The following MAF variants were observed in gnomAD, a reference collection of about 807,000 sequenced individuals.
MAF encodes transcription factor Maf.
In MAF, 10 loss-of-function variants were observed where a neutral mutation model predicts 22.0. The ratio of observed to expected loss-of-function variants is 0.45; its 90% CI spans 0.28 to 0.77. The LOEUF (loss-of-function observed/expected upper bound fraction) is 0.77. Among genes scored for constraint, MAF ranks in the 30% least tolerant of loss-of-function variants. The probability of loss-of-function intolerance (pLI) is 0.12; values close to 1 mark genes in which losing one functional copy is unlikely to be tolerated. For synonymous variants in MAF, 337 were observed against 255.8 expected, an observed-to-expected ratio of 1.32 and a Z score of -3.03; for missense variants, 544 against 548.4, an observed-to-expected ratio of 0.99 and a Z score of 0.08.
chr16:79,511,324 A>T, the MAF span, among the ~76,000 whole-genome samples: 1 of 152,302 alleles, frequency 6.6e-6, no homozygotes, highest in South Asian at 2.1e-4. Context: ...ATTTTTTAAA[A>T]TACTAGTATT....
At chr16:79,401,065 G>T in the MAF span, among the ~76,000 whole-genome samples, 1 of 152,188 alleles carries the variant, frequency 6.6e-6, no homozygotes, top group Admixed American at 6.5e-5. Context: ...AAGTGGTGAG[G>T]TCGGCTCCCT....
At chr16:79,530,886 T>G in the MAF span, among the ~76,000 whole-genome samples, 1 of 152,208 alleles carries the variant, frequency 6.6e-6, no homozygotes, top group African/African-American at 2.4e-5. Context: ...CACTTCTCTG[T>G]AGCCAGAAAG....
At chr16:79,598,414 C>A in intron 1 of MAF, 1 of 850,320 alleles carries the variant, frequency 1.2e-6, no homozygotes, top group Non-Finnish European at 1.5e-6. Flanking sequence ...CTGCTGAGAT[C>A]ATTGAACATT....
At chr16:79,214,415 C>T in the MAF span, among the ~76,000 whole-genome samples, 3 of 152,154 alleles carry the variant, frequency 2.0e-5, no homozygotes, top group Non-Finnish European at 4.4e-5. Flanking sequence ...GAGCCACACA[C>T]TGTGCTAAGC....
At chr16:79,212,259 G>A in the MAF span, 1 of 1,300,390 alleles carries the variant, frequency 7.7e-7, no homozygotes, top group Non-Finnish European at 1.0e-6. Flanking sequence ...GGAGATAATT[G>A]TTTCATTCAT....
the MAF span, among the ~76,000 whole-genome samples, chr16:79,563,833 G>C: frequency 6.6e-6 from 1 of 151,808 alleles, no homozygotes; most frequent in African/African-American, 2.4e-5. Flanking sequence ...CACTCACCTA[G>C]CAATTCTGGT....
chr16:79,478,677 C>T, the MAF span, among the ~76,000 whole-genome samples: 59 of 152,252 alleles, frequency 3.9e-4, no homozygotes, highest in African/African-American at 1.2e-3. Context: ...ATGCCAAATG[C>T]CTGCATCTTT....
the MAF span, among the ~76,000 whole-genome samples, chr16:79,512,814 G>C: frequency 3.2e-3 from 489 of 152,338 alleles, 5 homozygotes; most frequent in African/African-American, 0.011. Context: ...ATGGATGTAG[G>C]TGTGTTTCCA....
At chr16:79,588,959 T>C (rs182470828), downstream of MAF, among the ~76,000 whole-genome samples, 1 of 152,288 alleles carries the variant, frequency 6.6e-6, no homozygotes, top group Non-Finnish European at 1.5e-5. Flanking sequence ...TTTTCCGCCT[T>C]CTATGAAAAA....
the MAF span, among the ~76,000 whole-genome samples, chr16:79,544,928 C>T: frequency 6.6e-6 from 1 of 152,112 alleles, no homozygotes. Context: ...GATCCTTAGA[C>T]AGGACTTTCA....
chr16:79,449,384 G>A, the MAF span, among the ~76,000 whole-genome samples: 1 of 152,174 alleles, frequency 6.6e-6, no homozygotes, highest in East Asian at 1.9e-4. Context: ...AAAATCATGT[G>A]ACTCACTTAA....
At chr16:79,409,893 C>T in the MAF span, among the ~76,000 whole-genome samples, 7 of 152,316 alleles carry the variant, frequency 4.6e-5, no homozygotes, top group Non-Finnish European at 5.9e-5. Flanking sequence ...TTGGCTAGTA[C>T]GACCCCTAAA....
the MAF span, among the ~76,000 whole-genome samples, chr16:79,424,584 G>C: frequency 4.6e-5 from 7 of 152,156 alleles, no homozygotes; most frequent in Non-Finnish European, 8.8e-5. Flanking sequence ...AAATTTAAAT[G>C]TTTCCATGTT....
chr16:79,418,864 A>G, the MAF span, among the ~76,000 whole-genome samples: 1 of 152,178 alleles, frequency 6.6e-6, no homozygotes, highest in East Asian at 1.9e-4. Flanking sequence ...GCCCCAACAC[A>G]GGGCCCCACA....
the MAF span, among the ~76,000 whole-genome samples, chr16:79,344,118 T>C: frequency 6.6e-6 from 1 of 152,200 alleles, no homozygotes; most frequent in Admixed American, 6.5e-5. Flanking sequence ...CCCTGGAAGA[T>C]GGAAGCTGGT....
At chr16:79,252,265 G>T in the MAF span, among the ~76,000 whole-genome samples, 2 of 142,328 alleles carry the variant, frequency 1.4e-5, no homozygotes, top group African/African-American at 5.0e-5. Flanking sequence ...AATAATGGGT[G>T]TGGCCATGTT....
chr16:79,248,535 T>C, the MAF span, among the ~76,000 whole-genome samples: 2 of 152,214 alleles, frequency 1.3e-5, no homozygotes, highest in Non-Finnish European at 2.9e-5. Context: ...TAACATGGGT[T>C]GGACTGATCT....
At chr16:79,502,704 T>C in the MAF span, among the ~76,000 whole-genome samples, 1 of 14,398 alleles carries the variant, frequency 6.9e-5, no homozygotes, top group African/African-American at 2.0e-4. Flanking sequence ...TAAATATAAA[T>C]ATAAATATAT....
At chr16:79,302,821 G>C in the MAF span, among the ~76,000 whole-genome samples, 3 of 152,250 alleles carry the variant, frequency 2.0e-5, no homozygotes, top group African/African-American at 4.8e-5. Flanking sequence ...CCAGTGTGCA[G>C]CAAATGAAGA....
Sources: gnomAD v4.1 joint callset for allele counts (sites outside exome capture counted in the v4.1 genomes callset) on GRCh38, gnomAD v4.1.1 for gene constraint, MANE v1.5 for transcripts, NCBI Gene and HGNC (gene_info 2026-07-23, HGNC 2026-07-21) for gene names.